Variants in FAM13A observed in about 807,000 individuals in gnomAD.
FAM13A encodes the protein protein FAM13A.
In FAM13A, 76 loss-of-function variants were observed where a neutral mutation model predicts 129.6. The observed-to-expected ratio is 0.59, with a 90% confidence interval of 0.49 to 0.71. The LOEUF is 0.71. Ranked by LOEUF, FAM13A falls within the 30% of genes least tolerant of loss-of-function variation. The pLI, the probability that FAM13A is intolerant of heterozygous loss-of-function variation, is 0.00. For synonymous variants in FAM13A, 443 were observed against 449.9 expected, an observed-to-expected ratio of 0.98 and a Z score of 0.20; for missense variants, 1,108 against 1,249.3, an observed-to-expected ratio of 0.89 and a Z score of 1.70.
intron 10 of FAM13A, among the ~76,000 whole-genome samples, chr4:88,786,271 G>A (rs1312875582): frequency 6.6e-6 from 1 of 152,078 alleles, no homozygotes; most frequent in Non-Finnish European, 1.5e-5. Context: ...CCACCTGCTA[G>A]CCCTCTGTCC....
chr4:89,039,509 G>A (rs1033784060), intron 1 of FAM13A, among the ~76,000 whole-genome samples: 5 of 152,112 alleles, frequency 3.3e-5, no homozygotes, highest in African/African-American at 1.2e-4. Flanking sequence ...GAAGAAACTG[G>A]GAAGTAAGGA....
intron 7 of FAM13A, among the ~76,000 whole-genome samples, chr4:88,825,616 T>C (rs1249222402): frequency 1.3e-5 from 2 of 152,168 alleles, no homozygotes; most frequent in Admixed American, 1.3e-4. Flanking sequence ...AACACATTAA[T>C]ACTACCTGGC....
At chr4:88,883,680 A>T (rs1743963144) in intron 6 of FAM13A, among the ~76,000 whole-genome samples, 1 of 152,144 alleles carries the variant, frequency 6.6e-6, no homozygotes, top group Non-Finnish European at 1.5e-5. Flanking sequence ...GAACTAAATG[A>T]AATAGAAACA....
In FAM13A at chr4:88,760,466, T is replaced by C. The variant is rs1473173773; in HGVS notation, c.1579-1565A>G. 2.6e-5 allele frequency among the ~76,000 whole-genome samples: 2 copies of C among 76,538 alleles called. 1 individual carries two copies. The highest frequency in any genetic ancestry group is 7.5e-5 in the Non-Finnish European group (2 of 26,638). The allele number at this position is 76,538 out of a possible 152,430, so 50.2% of individuals were successfully genotyped here. On this transcript the variant is annotated intron_variant, in intron 13 of 23. Transcript: ENST00000264344. ...AAAAATACAAAAAATTAGCCGGGCG[T>C]GGTGGCGGGCGCCTGTGGTCCCGGC...
In FAM13A at chr4:88,747,820, T is replaced by C; in HGVS notation, c.2193A>G (p.Leu731=). The C allele has an allele frequency of 1.2e-6, 2 of 1,613,914 alleles. No individual in the cohort carries two copies. The highest frequency in any genetic ancestry group is 1.7e-6 in the Non-Finnish European group (2 of 1,179,784). Residue 731 remains leucine (L), a synonymous_variant, in exon 18 of 24, where the codon CTA becomes CTG. Transcript: ENST00000264344. The part of the protein sequence containing the change: ...ESKLKISEED[L]TPRMRQRSNT... Reference sequence around the variant, plus strand: ...TGCTTCGCTGCCGCATCCTGGGAGTTAGGTCCTCTTCAGATATCTTTAGTT... The same window carrying C: ...TGCTTCGCTGCCGCATCCTGGGAGTCAGGTCCTCTTCAGATATCTTTAGTT...
chr4:88,728,939 T>A (rs1254561024), intron 23 of FAM13A: 2 of 272,724 alleles, frequency 7.3e-6, no homozygotes, highest in African/African-American at 4.4e-5. Flanking sequence ...CTGCTAAGTA[T>A]GAATTCACAT....
chr4:88,770,437 T>A (rs1720440268), intron 11 of FAM13A, among the ~76,000 whole-genome samples: 1 of 152,196 alleles, frequency 6.6e-6, no homozygotes, highest in African/African-American at 2.4e-5. Flanking sequence ...TTCAGATCAC[T>A]TCACAACAGT....
intron 5 of FAM13A, among the ~76,000 whole-genome samples, chr4:88,922,026 T>C (rs930166171): frequency 6.6e-5 from 10 of 151,968 alleles, no homozygotes; most frequent in African/African-American, 2.4e-4. Context: ...ATGCACCCAA[T>C]ACAGGAGCAC....
intron 6 of FAM13A, among the ~76,000 whole-genome samples, chr4:88,857,018 A>G (rs894266011): frequency 6.6e-6 from 1 of 152,092 alleles, no homozygotes; most frequent in Non-Finnish European, 1.5e-5. Flanking sequence ...AACTGCTGCT[A>G]CTCTCCTCAT....
At chr4:88,898,680 C>CA (rs1465527477) in intron 6 of FAM13A, among the ~76,000 whole-genome samples, 11 of 151,040 alleles carry the variant, frequency 7.3e-5, no homozygotes, top group African/African-American at 2.4e-4. Flanking sequence ...GCAGTGAATT[C>CA]AAAAAAGTTG....
At chr4:88,865,883 T>C (rs1290346713) in intron 6 of FAM13A, among the ~76,000 whole-genome samples, 170 of 131,244 alleles carry the variant, frequency 1.3e-3, no homozygotes, top group African/African-American at 4.4e-3. Context: ...TCTCTCTTTT[T>C]TTTTTTTTTT....
At position 88,851,014 on chromosome 4, in the gene FAM13A, G is replaced by T; in HGVS notation, c.1007+6C>A. On this transcript the variant is annotated splice_donor_region_variant and intron_variant, in intron 7 of 23. Transcript: ENST00000264344. Reference sequence around the variant, plus strand: ...TGGATTGTGTAGATAAAGAAAACATGCCAACCTGGGTACCAACTTGGCACT... The same window carrying T: ...TGGATTGTGTAGATAAAGAAAACATTCCAACCTGGGTACCAACTTGGCACT... 6.2e-7 allele frequency: 1 copy of T among 1,613,388 alleles called. No individual in the cohort carries two copies. Among genetic ancestry groups the T allele is most frequent in the Non-Finnish European group, 8.5e-7 (1 of 1,179,492 alleles).
chr4:88,874,571 T>C (rs1047277607), intron 6 of FAM13A, among the ~76,000 whole-genome samples: 1 of 152,094 alleles, frequency 6.6e-6, no homozygotes, highest in African/African-American at 2.4e-5. Context: ...TACCTAGGAA[T>C]CCAACTGACA....
chr4:88,786,055 T>C (rs977793656), intron 10 of FAM13A, among the ~76,000 whole-genome samples: 1 of 152,164 alleles, frequency 6.6e-6, no homozygotes, highest in African/African-American at 2.4e-5. Flanking sequence ...ACAATCAAGA[T>C]AACTTATGCA....
At chr4:88,750,401 A>G (rs758996520) in intron 15 of FAM13A, 23 bp downstream of exon 15, 3 of 1,578,614 alleles carry the variant, frequency 1.9e-6, no homozygotes, top group East Asian at 4.5e-5. Context: ...GCATTTGTCT[A>G]TCAGCAACAC....
intron 6 of FAM13A, among the ~76,000 whole-genome samples, chr4:88,891,830 C>T (rs984946194): frequency 1.3e-5 from 2 of 152,132 alleles, no homozygotes; most frequent in Non-Finnish European, 2.9e-5. Flanking sequence ...AACTACCAAA[C>T]ACAGCAAATG....
intron 6 of FAM13A, among the ~76,000 whole-genome samples, chr4:88,852,512 C>T (rs533096976): frequency 1.8e-4 from 27 of 152,270 alleles, no homozygotes; most frequent in African/African-American, 6.3e-4. Flanking sequence ...CCATAACACA[C>T]TACCACATAG....
At chr4:88,961,985 T>C (rs907502668) in intron 4 of FAM13A, among the ~76,000 whole-genome samples, 1 of 149,986 alleles carries the variant, frequency 6.7e-6, no homozygotes, top group Admixed American at 6.6e-5. Flanking sequence ...TATAAAACAA[T>C]AGAAAATTAG....
intron 7 of FAM13A, among the ~76,000 whole-genome samples, chr4:88,807,274 T>C (rs1045544959): frequency 3.9e-5 from 6 of 152,202 alleles, no homozygotes; most frequent in African/African-American, 1.4e-4. Flanking sequence ...TGTGTCTGTG[T>C]GCTAAATTTC....
Sources: gnomAD v4.1 joint callset for allele counts (sites outside exome capture counted in the v4.1 genomes callset) on GRCh38, gnomAD v4.1.1 for gene constraint, MANE v1.5 for transcripts, NCBI Gene and HGNC (gene_info 2026-07-23, HGNC 2026-07-21) for gene names.